The following PCDH9 variants were observed in gnomAD, a reference collection of about 807,000 sequenced individuals.
PCDH9 encodes the protein protocadherin 9.
A neutral mutation model predicts 70.6 loss-of-function variants in PCDH9; 24 were observed. That is an observed-to-expected ratio of 0.34 (90% CI 0.25 to 0.48). PCDH9 has a LOEUF of 0.48. Among genes scored for constraint, PCDH9 ranks in the 20% least tolerant of loss-of-function variants. PCDH9 has a pLI of 0.99. For synonymous variants in PCDH9, 562 were observed against 558.5 expected (o/e 1.01, Z -0.09); for missense variants, 1,281 against 1,503.6 (o/e 0.85, Z 2.45).
At chr13:67,120,937 A>G (rs2086865302) in intron 2 of PCDH9, among the ~76,000 whole-genome samples, 1 of 152,094 alleles carries the variant, frequency 6.6e-6, no homozygotes, top group Non-Finnish European at 1.5e-5. Flanking sequence ...CAGAAAAAAA[A>G]AAAACTAAAA....
rs141647199 is a variant in PCDH9, at chr13:66,470,692, C to A, written c.3340+160518G>T. ...AAAAGCCAAGGGGGGATGCATGTAA[C>A]ATTGTACAGAACAGACATGAGCTCT... On this transcript the variant is annotated intron_variant, in intron 4 of 4. Coordinates refer to ENST00000377865, the MANE Select transcript of PCDH9 (RefSeq NM_203487.3). Among the ~76,000 whole-genome samples, 502 of 148,116 alleles carry A rather than the reference C, an allele frequency of 3.4e-3. 6 individuals carry two copies. The highest frequency in any genetic ancestry group is 0.012 in the African/African-American group (485 of 40,244).
intron 3 of PCDH9, among the ~76,000 whole-genome samples, chr13:66,767,257 T>A (rs1190827245): frequency 6.6e-6 from 1 of 151,020 alleles, no homozygotes; most frequent in Admixed American, 6.6e-5. Context: ...AAGGGAAGGT[T>A]TTATCTGGAG....
At chr13:66,357,238 G>C (rs1340629045) in intron 4 of PCDH9, among the ~76,000 whole-genome samples, 2 of 151,960 alleles carry the variant, frequency 1.3e-5, no homozygotes, top group Admixed American at 1.3e-4. Context: ...ATTCCAATGG[G>C]TAAAGAGAAG....
intron 3 of PCDH9, among the ~76,000 whole-genome samples, chr13:66,863,636 C>T (rs1042173910): frequency 6.6e-6 from 1 of 152,080 alleles, no homozygotes; most frequent in South Asian, 2.1e-4. Flanking sequence ...CAGGCACCTG[C>T]CACCATGCCC....
At chr13:66,933,805 C>A (rs1336008250) in intron 2 of PCDH9, among the ~76,000 whole-genome samples, 3 of 149,836 alleles carry the variant, frequency 2.0e-5, no homozygotes, top group Non-Finnish European at 4.4e-5. Context: ...TAATATGCCT[C>A]AGCTCTAATT....
In PCDH9 at chr13:67,227,936, G is replaced by T; in HGVS notation, c.505C>A (p.Pro169Thr). 6.2e-7 allele frequency: 1 copy of T among 1,614,124 alleles called. No individual in the cohort carries two copies. The highest frequency in any genetic ancestry group is 8.5e-7 in the Non-Finnish European group (1 of 1,180,046). The change falls in exon 2 of 5, where the codon CCT (proline) becomes ACT (threonine). Residue 169 changes from proline (P) to threonine (T), a missense_variant. Physicochemically the swap from Pro to Thr is conservative, Grantham distance 38. Transcript: ENST00000377865. This position sits in a 1 kb window ranked among gnomAD's most constrained non-coding sequence, Gnocchi z 4.6. ...TGTACACCATTGAAGCCTGTGTCAG[G>T]ATCTGTTGCTGATGGAATTGGAAAG... ...SRFPIPSATDPDTGFNGVQHY... is the reference protein window; with the variant it reads ...SRFPIPSATDTDTGFNGVQHY...
At position 66,584,179 on chromosome 13, in the gene PCDH9, G is replaced by C. The variant is rs147143043; in HGVS notation, c.3340+47031C>G. Among the ~76,000 whole-genome samples the C allele has an allele frequency of 2.0e-5, 3 of 152,068 alleles. No individual in the cohort carries two copies. The East Asian group carries it at 5.8e-4, about 29-fold the overall frequency. On this transcript the variant is annotated intron_variant, in intron 4 of 4. Transcript: ENST00000377865. ...TTAGTTTATCAAAGGATTGTGATTC[G>C]GTTATTAGATACAGTAGAAACTTGT...
chr13:67,224,685 T>C (rs1480379593), intron 2 of PCDH9: 2 of 359,040 alleles, frequency 5.6e-6, no homozygotes, highest in Non-Finnish European at 7.8e-6. Flanking sequence ...TTACAATGGA[T>C]TCATTCTTTT....
intron 4 of PCDH9, among the ~76,000 whole-genome samples, chr13:66,321,593 A>C (rs1040961684): frequency 6.6e-6 from 1 of 151,932 alleles, no homozygotes; most frequent in African/African-American, 2.4e-5. Context: ...TGGTCTGTTA[A>C]ATATACTGAA....
At chr13:67,136,640 A>G (rs1164849617) in intron 2 of PCDH9, among the ~76,000 whole-genome samples, 1 of 152,140 alleles carries the variant, frequency 6.6e-6, no homozygotes, top group African/African-American at 2.4e-5. Context: ...GGCAGATATT[A>G]TGGTCTAATC....
chr13:67,134,575 A>G (rs970467389), intron 2 of PCDH9, among the ~76,000 whole-genome samples: 2 of 152,040 alleles, frequency 1.3e-5, no homozygotes, highest in Non-Finnish European at 2.9e-5. Flanking sequence ...ATTCTTCTTC[A>G]TTTAAAAGCT....
chr13:66,517,413 C>T (rs1220753763), intron 4 of PCDH9, among the ~76,000 whole-genome samples: 1 of 152,024 alleles, frequency 6.6e-6, no homozygotes, highest in African/African-American at 2.4e-5. Context: ...ACTAAAAATA[C>T]TTTTGAGGAA....
chr13:66,940,675 C>T (rs1237206578), intron 2 of PCDH9, among the ~76,000 whole-genome samples: 1 of 151,762 alleles, frequency 6.6e-6, no homozygotes, highest in Non-Finnish European at 1.5e-5. Flanking sequence ...AATAAGTTTA[C>T]TTTTTTGTCA....
At chr13:66,708,932 G>A (rs2078754513) in intron 3 of PCDH9, among the ~76,000 whole-genome samples, 1 of 152,182 alleles carries the variant, frequency 6.6e-6, no homozygotes, top group South Asian at 2.1e-4. Context: ...CACCCATAAA[G>A]TGTCATAGTA....
intron 4 of PCDH9, among the ~76,000 whole-genome samples, chr13:66,497,810 C>T (rs7993424): frequency 0.56 from 82,070 of 146,448 alleles, 23,317 homozygotes; most frequent in East Asian, 0.69. Context: ...TATACACACT[C>T]TTACTTTTTT....
chr13:66,967,659 A>AT (rs1159073711), intron 2 of PCDH9, among the ~76,000 whole-genome samples: 2 of 151,758 alleles, frequency 1.3e-5, no homozygotes, highest in Non-Finnish European at 2.9e-5. Flanking sequence ...ACAAAAAAAA[A>AT]TTTTTTCTTA....
At chr13:66,807,869 T>A (rs1339832622) in intron 3 of PCDH9, among the ~76,000 whole-genome samples, 2 of 152,206 alleles carry the variant, frequency 1.3e-5, no homozygotes, top group African/African-American at 4.8e-5. Context: ...TGAACTTTCA[T>A]GAACTCATGG....
At chr13:66,861,256 A>C (rs1269497861) in intron 3 of PCDH9, among the ~76,000 whole-genome samples, 1 of 152,206 alleles carries the variant, frequency 6.6e-6, no homozygotes, top group Non-Finnish European at 1.5e-5. Flanking sequence ...ATCAGTGCCA[A>C]GGCAATCACA....
chr13:67,199,205 G>T (rs889463225), intron 2 of PCDH9, among the ~76,000 whole-genome samples: 3 of 151,182 alleles, frequency 2.0e-5, no homozygotes, highest in Non-Finnish European at 3.0e-5. Context: ...ATTTATATCT[G>T]GGTGTATAAA....
Sources: allele counts gnomAD v4.1 joint callset (sites outside exome capture counted in the v4.1 genomes callset), GRCh38; gene constraint gnomAD v4.1.1; non-coding constraint Gnocchi (gnomAD v3.1); transcripts MANE v1.5; gene names NCBI Gene and HGNC (gene_info 2026-07-23, HGNC 2026-07-21).